Variants in MAN2A2 observed in about 807,000 individuals in gnomAD.
MAN2A2 encodes the protein alpha-mannosidase 2x.
A neutral mutation model predicts 126.8 loss-of-function variants in MAN2A2; 79 were observed. The observed-to-expected ratio is 0.62, with a 90% CI of 0.52 to 0.75. The LOEUF (loss-of-function observed/expected upper bound fraction) is 0.75. Among genes scored for constraint, MAN2A2 ranks in the 30% least tolerant of loss-of-function variants. MAN2A2 has a pLI of 0.00. For synonymous variants in MAN2A2, 671 were observed against 618.7 expected (o/e 1.08, Z -1.25); for missense variants, 1,392 against 1,522.4 (o/e 0.91, Z 1.43).
At chr15:90,910,016 C>T (rs1259630257) in intron 9 of MAN2A2, 74 bp from the exon 10 acceptor site, 4 of 1,370,450 alleles carry the variant, frequency 2.9e-6, no homozygotes, top group Non-Finnish European at 4.0e-6. Context: ...GCCTCACCCC[C>T]AACTGCAGCA....
chr15:90,904,231 A>C lies in MAN2A2; in HGVS notation c.24A>C (p.Thr8=). Residue 8 remains threonine, a synonymous_variant, in exon 2 of 23, where the codon ACA becomes ACC. Transcript: ENST00000559717. MKLKKQV[T]VCGAAIFCVA... is the part of the protein sequence containing the mutation. The stretch of plus-strand genomic sequence containing the variant: ...GTATGAAGCTGAAAAAGCAGGTGAC[A>C]GTGTGTGGGGCTGCCATCTTCTGTG... The C allele has an allele frequency of 1.2e-6, 2 of 1,614,168 alleles. No individual in the cohort carries two copies. Among genetic ancestry groups the C allele is most frequent in the Non-Finnish European group, 1.7e-6 (2 of 1,180,016 alleles).
At chr15:90,908,008 G>T (rs977339105) in intron 8 of MAN2A2, among the ~76,000 whole-genome samples, 1 of 152,236 alleles carries the variant, frequency 6.6e-6, no homozygotes, top group African/African-American at 2.4e-5. Flanking sequence ...CAGCAATTTA[G>T]TCAGAACCTT....
rs1333656101 is a variant in MAN2A2, at chr15:90,920,016, C to G, written c.*229C>G. ...GCCAGTGAGATCAGGGAGAGAAGGC[C>G]CTTGGTCAGAGTGGGCAGTGCCAGG... On this transcript the variant is annotated 3_prime_UTR_variant, in exon 23 of 23. Coordinates refer to ENST00000559717, the MANE Select transcript of MAN2A2 (RefSeq NM_006122.4). 1 of 531,006 alleles carries G rather than the reference C, an allele frequency of 1.9e-6. No homozygotes were observed. Among genetic ancestry groups the G allele is most frequent in the African/African-American group, 1.9e-5 (1 of 52,452 alleles). 32.9% of individuals were successfully genotyped at this position (531,006 alleles called of 1,614,324 possible).
rs756757339 is a variant in MAN2A2 at position 90,910,658 on chromosome 15, G to C, written c.1735G>C (p.Ala579Pro). ...TGCCATCACTGGCACGGCCAAGGAG[G>C]CTGTGGTGGTGGACTATGGGGTCAG... ...HDAITGTAKE[A>P]VVVDYGVRLL... Residue 579 changes from alanine (A) to proline (P), a missense_variant, in exon 11 of 23, where the codon GCT (alanine) becomes CCT (proline). Ala to Pro is a conservative substitution (Grantham distance 27). Transcript: ENST00000559717. The C allele has an allele frequency of 6.2e-7, 1 of 1,614,102 alleles. No individual in the cohort carries two copies. Among genetic ancestry groups the C allele is most frequent in the South Asian group, 1.1e-5 (1 of 91,076 alleles).
At chr15:90,907,138 C>A in intron 7 of MAN2A2, 171 bp from the exon 8 acceptor site, 3 of 824,166 alleles carry the variant, frequency 3.6e-6, no homozygotes, top group Non-Finnish European at 5.6e-6. Flanking sequence ...TGTGCCCGTC[C>A]CCTGAGGGAG....
rs759521769 is a variant in MAN2A2 at position 90,918,677 on chromosome 15, C to T, written c.3222C>T (p.Leu1074=). 1.1e-5 allele frequency: 17 copies of T among 1,521,440 alleles called. No individual in the cohort carries two copies. The highest frequency in any genetic ancestry group is 6.7e-5 in the Admixed American group (4 of 59,852). The allele number at this position is 1,521,440 out of a possible 1,614,324, so 94.2% of individuals were successfully genotyped here. The change falls in exon 22 of 23, where the codon CTC becomes CTT. Residue 1074 remains leucine, a synonymous_variant. Coordinates refer to ENST00000559717, the MANE Select transcript of MAN2A2 (RefSeq NM_006122.4). The part of the protein sequence containing the change: ...EDTLPSAETA[L]ILHRKGFDCG... ...CCCTACCCTCGGCGGAGACCGCACT[C>T]ATCTTACACCGCAAGGGTTTTGACT...
intron 22 of MAN2A2, among the ~76,000 whole-genome samples, chr15:90,919,257 A>G (rs1596186105): frequency 6.6e-6 from 1 of 152,216 alleles, no homozygotes; most frequent in Non-Finnish European, 1.5e-5. Context: ...GTAAGAAGGC[A>G]TGGTGTTGCT....
At chr15:90,903,278 GC>G (rs1474716768), upstream of MAN2A2, 1 of 152,354 alleles carries the variant, frequency 6.6e-6, no homozygotes, top group Non-Finnish European at 1.5e-5. Flanking sequence ...TGAAAATATT[GC>G]CCGGAAGCTC....
intron 7 of MAN2A2, 124 bp downstream of exon 7, chr15:90,907,037 C>A: frequency 1.6e-6 from 2 of 1,251,178 alleles, no homozygotes; most frequent in Non-Finnish European, 2.2e-6. Context: ...TGTGGACTGC[C>A]AGAAATGGTC....
intron 20 of MAN2A2, 102 bp from the exon 21 acceptor site, chr15:90,918,092 G>A: frequency 8.8e-7 from 1 of 1,138,998 alleles, no homozygotes; most frequent in Non-Finnish European, 1.3e-6. Flanking sequence ...ACCAGGAAAG[G>A]TCTTTCCAAA....
Position 90,909,149 on chromosome 15 carries a change from C to T in MAN2A2, c.1197-178C>T, listed in dbSNP as rs1441737397. Among the ~76,000 whole-genome samples the T allele has an allele frequency of 2.0e-5, 3 of 152,122 alleles. No individual in the cohort carries two copies. The East Asian group carries it at 5.8e-4, about 29-fold the overall frequency. ...ATAACATGTCAGCTGTCAGAACTGCCCAGAGAGCACCGGACTCCCCTGGGG... is the reference window on the plus strand; with the variant it reads ...ATAACATGTCAGCTGTCAGAACTGCTCAGAGAGCACCGGACTCCCCTGGGG... On this transcript the variant is annotated intron_variant, in intron 8 of 22. Coordinates refer to ENST00000559717, the MANE Select transcript of MAN2A2 (RefSeq NM_006122.4).
chr15:90,913,292 G>GA lies in MAN2A2; in HGVS notation c.2604_2605insA (p.Asp869ArgfsTer82). On this transcript the variant is annotated frameshift_variant, in exon 18 of 23. Coordinates refer to ENST00000559717, the MANE Select transcript of MAN2A2 (RefSeq NM_006122.4). LOFTEE classifies it high-confidence loss of function. The stretch of plus-strand genomic sequence containing the variant: ...ACCCAGGGGTGGAGGGGCTGTCTCT[G>GA]GACATATCATCCCTGGTGGACATCC... 1 of 1,614,080 alleles carries GA rather than the reference G, an allele frequency of 6.2e-7. No individual in the cohort carries two copies. Among genetic ancestry groups the GA allele is most frequent in the Non-Finnish European group, 8.5e-7 (1 of 1,180,000 alleles).
chr15:90,910,120 G>C lies in MAN2A2; in HGVS notation c.1405G>C (p.Asp469His). The C allele has an allele frequency of 1.2e-6, 2 of 1,613,624 alleles. No homozygotes were observed. Among genetic ancestry groups the C allele is most frequent in the Non-Finnish European group, 1.7e-6 (2 of 1,179,818 alleles). The change falls in exon 10 of 23, where the codon GAT (aspartate) becomes CAT (histidine). Residue 469 changes from aspartate (D) to histidine (H), a missense_variant. By Grantham distance (81) the Asp-to-His change is moderately conservative (BLOSUM62 -1). Coordinates refer to ENST00000559717, the MANE Select transcript of MAN2A2 (RefSeq NM_006122.4). Reference protein sequence around the residue: ...AQFGTLSDYFDALYKRTGVEP... With the variant: ...AQFGTLSDYFHALYKRTGVEP... Reference sequence around the variant, plus strand: ...GTTTGGCACTCTTTCTGACTATTTTGATGCCCTGTACAAGAGGACAGGGGT... The same window carrying C: ...GTTTGGCACTCTTTCTGACTATTTTCATGCCCTGTACAAGAGGACAGGGGT...
intron 8 of MAN2A2, among the ~76,000 whole-genome samples, chr15:90,908,662 G>A (rs1359568747): frequency 6.6e-6 from 1 of 150,538 alleles, no homozygotes; most frequent in Admixed American, 6.6e-5. Context: ...CGCAACCTCC[G>A]CCTCCTGGGT....
chr15:90,904,929 T>C (rs988543261), intron 2 of MAN2A2, among the ~76,000 whole-genome samples: 3 of 152,200 alleles, frequency 2.0e-5, no homozygotes, highest in Non-Finnish European at 4.4e-5. Context: ...GCTAATTGAT[T>C]GCAGCATTCT....
At chr15:90,913,862 G>A in intron 19 of MAN2A2, 107 bp downstream of exon 19, 1 of 1,367,802 alleles carries the variant, frequency 7.3e-7, no homozygotes, top group Non-Finnish European at 9.7e-7. Context: ...TTTCTGGACT[G>A]CATCACCTCC....
chr15:90,909,605 C>CT (rs147151470), intron 9 of MAN2A2, 101 bp downstream of exon 9: 85,973 of 841,164 alleles, frequency 0.1, 899 homozygotes, highest in East Asian at 0.25. Flanking sequence ...GGGTGCCCCC[C>CT]TTTTTTTTTT....
intron 20 of MAN2A2, among the ~76,000 whole-genome samples, chr15:90,917,355 G>A (rs2035266564): frequency 1.3e-5 from 2 of 152,298 alleles, no homozygotes; most frequent in Admixed American, 6.5e-5. Flanking sequence ...ATCCTGGCTA[G>A]GAAAGGTCCA....
At chr15:90,911,754 G>A (rs1267070567) in intron 14 of MAN2A2, 2 of 628,710 alleles carry the variant, frequency 3.2e-6, no homozygotes. Context: ...AGGTTGGTAT[G>A]GTAATAGTAA....
Sources: allele counts gnomAD v4.1 joint callset (sites outside exome capture counted in the v4.1 genomes callset), GRCh38; gene constraint gnomAD v4.1.1; transcripts MANE v1.5; gene names NCBI Gene and HGNC (gene_info 2026-07-23, HGNC 2026-07-21).